Variants in RGS6 observed in about 807,000 individuals in gnomAD.
RGS6 encodes regulator of G protein signaling 6, also known as regulator of G-protein signaling 6.
Under a neutral mutation model 78.5 loss-of-function variants are expected in RGS6, and 30 were observed. The ratio of observed to expected loss-of-function variants is 0.38; its 90% CI spans 0.29 to 0.52. RGS6 has a LOEUF of 0.52. RGS6 is among the 20% of genes least tolerant of loss of function. RGS6 has a pLI of 0.85. For missense variants in RGS6, 495 were observed against 609.7 expected, an observed-to-expected ratio of 0.81 and a Z score of 1.98; for synonymous variants, 206 against 206.0, an observed-to-expected ratio of 1.00 and a Z score of 0.00.
the RGS6 span, among the ~76,000 whole-genome samples, chr14:72,600,278 A>C: frequency 6.6e-6 from 1 of 151,966 alleles, no homozygotes; most frequent in Admixed American, 6.5e-5. Context: ...AAACACACAG[A>C]TGGCTGCTCC....
intron 2 of RGS6, among the ~76,000 whole-genome samples, chr14:72,102,218 A>G (rs2095542881): frequency 1.3e-5 from 2 of 152,210 alleles, no homozygotes; most frequent in African/African-American, 4.8e-5. Context: ...CCCCTTAGGA[A>G]GTTGAAAAAG....
intron 2 of RGS6, among the ~76,000 whole-genome samples, chr14:72,002,783 C>G (rs546746265): frequency 6.6e-6 from 1 of 152,230 alleles, no homozygotes; most frequent in Non-Finnish European, 1.5e-5. Context: ...TTGGTGCATG[C>G]TTGTTTTTAT....
At chr14:72,512,971 A>T (rs528278725) in intron 14 of RGS6, among the ~76,000 whole-genome samples, 1 of 152,338 alleles carries the variant, frequency 6.6e-6, no homozygotes, top group East Asian at 1.9e-4. Flanking sequence ...GAGTTGTGCA[A>T]TATGGCACAA....
rs191417620 is a variant in RGS6 at position 72,068,412 on chromosome 14, G to A, written c.84+103537G>A. ...AGCCCCCCAAAGTGCTGAGATTACA[G>A]GCGTGAGCCACTGCATCTGGCCGAA... On this transcript the variant is annotated intron_variant, in intron 2 of 17. Coordinates refer to ENST00000553525, the MANE Select transcript of RGS6 (RefSeq NM_001204424.2). 4.8e-3 allele frequency among the ~76,000 whole-genome samples: 736 copies of A among 151,972 alleles called. 12 individuals are homozygous for A. The highest frequency in any genetic ancestry group is 0.017 in the African/African-American group (707 of 41,458).
chr14:72,018,125 T>G (rs552633836), intron 2 of RGS6, among the ~76,000 whole-genome samples: 23 of 152,328 alleles, frequency 1.5e-4, no homozygotes, highest in Admixed American at 9.8e-4. Flanking sequence ...TATGGCTGCA[T>G]AGTATTCCAT....
the RGS6 span, among the ~76,000 whole-genome samples, chr14:71,902,247 G>A: frequency 6.6e-6 from 1 of 152,244 alleles, no homozygotes; most frequent in East Asian, 1.9e-4. Flanking sequence ...TCAGCTATGA[G>A]ACATGATAAT....
At chr14:72,296,027 T>C (rs2064745932) in intron 2 of RGS6, among the ~76,000 whole-genome samples, 1 of 152,232 alleles carries the variant, frequency 6.6e-6, no homozygotes, top group South Asian at 2.1e-4. Flanking sequence ...CCAATAAATC[T>C]TTCCCACCCA....
intron 2 of RGS6, among the ~76,000 whole-genome samples, chr14:72,100,054 CTG>C (rs1255967273): frequency 6.6e-6 from 1 of 152,124 alleles, no homozygotes; most frequent in Non-Finnish European, 1.5e-5. Context: ...TTGGTTGAGA[CTG>C]TTGTGTACAG....
intron 12 of RGS6, among the ~76,000 whole-genome samples, chr14:72,492,619 CT>C (rs1319830382): frequency 6.6e-6 from 1 of 152,120 alleles, no homozygotes; most frequent in East Asian, 1.9e-4. Flanking sequence ...TTCTGAGGCC[CT>C]TCCATTCTCC....
chr14:72,474,677 A>G lies in RGS6; in HGVS notation c.671A>G (p.Lys224Arg). The part of the protein sequence containing the change: ...EMDIRKCRRL[K>R]NPQKVKKSVY... ...GATATCCGAAAATGTCGACGTTTGA[A>G]GAATCCACAAAAGGTTAAAAAGGTT... Residue 224 changes from lysine (K) to arginine (R), a missense_variant, in exon 10 of 18, where the codon AAG becomes AGG. Coordinates refer to ENST00000553525, the MANE Select transcript of RGS6 (RefSeq NM_001204424.2). The G allele has an allele frequency of 6.2e-7, 1 of 1,613,974 alleles. No individual in the cohort carries two copies. The highest frequency in any genetic ancestry group is 8.5e-7 in the Non-Finnish European group (1 of 1,179,942).
At chr14:72,501,288 T>C (rs2096721900) in intron 13 of RGS6, among the ~76,000 whole-genome samples, 1 of 152,114 alleles carries the variant, frequency 6.6e-6, no homozygotes, top group Admixed American at 6.5e-5. Context: ...ACGGATAAGA[T>C]GACATAGGAT....
chr14:72,289,563 CCTATTATCATAGAACCTCAT>C (rs2063208516), intron 2 of RGS6, among the ~76,000 whole-genome samples: 1 of 152,162 alleles, frequency 6.6e-6, no homozygotes, highest in African/African-American at 2.4e-5. Context: ...TTACTCAATG[CCTATTATCATAGAACCTCAT>C]GTTCACGCTG....
At chr14:72,083,582 C>T (rs1045388711) in intron 2 of RGS6, among the ~76,000 whole-genome samples, 4 of 152,164 alleles carry the variant, frequency 2.6e-5, no homozygotes, top group Non-Finnish European at 4.4e-5. Context: ...ACTGCCATGA[C>T]GTCCCTCGGA....
upstream of RGS6, among the ~76,000 whole-genome samples, chr14:71,928,627 G>A (rs764532141): frequency 6.6e-5 from 10 of 152,160 alleles, no homozygotes; most frequent in Admixed American, 2.6e-4. Flanking sequence ...CACCCGTTTT[G>A]AGAGCTACGC....
At chr14:72,288,280 G>A (rs1185855370) in intron 2 of RGS6, among the ~76,000 whole-genome samples, 1 of 152,180 alleles carries the variant, frequency 6.6e-6, no homozygotes, top group African/African-American at 2.4e-5. Flanking sequence ...AGAAAACTCA[G>A]TTCTTACTTT....
chr14:72,250,400 A>G (rs1182944740), intron 2 of RGS6, among the ~76,000 whole-genome samples: 1 of 3,138 alleles, frequency 3.2e-4, no homozygotes, highest in Admixed American at 6.3e-3. Context: ...AAATACACCG[A>G]AAAAAAAAAA....
intron 17 of RGS6, 63 bp downstream of exon 17, chr14:72,540,157 C>CTT (rs56953388): frequency 1.8e-3 from 2,314 of 1,291,134 alleles, no homozygotes; most frequent in South Asian, 3.1e-3. Context: ...CTTTCTTCTT[C>CTT]TTTTTTTTTT....
chr14:72,473,274 G>A (rs1477656032), intron 9 of RGS6, among the ~76,000 whole-genome samples: 2 of 152,034 alleles, frequency 1.3e-5, no homozygotes, highest in African/African-American at 4.8e-5. Context: ...AAACCCCGTC[G>A]CTACTAAAAA....
chr14:72,604,140 G>C, the RGS6 span, among the ~76,000 whole-genome samples: 1 of 152,140 alleles, frequency 6.6e-6, no homozygotes, highest in Non-Finnish European at 1.5e-5. Context: ...TTGGCTCTTA[G>C]CTTCAGAAAA....
Sources: gnomAD v4.1 joint callset for allele counts (sites outside exome capture counted in the v4.1 genomes callset) on GRCh38, gnomAD v4.1.1 for gene constraint, MANE v1.5 for transcripts, NCBI Gene and HGNC (gene_info 2026-07-23, HGNC 2026-07-21) for gene names.